Variants in DLG2 observed in about 807,000 individuals in gnomAD.
DLG2 encodes discs large MAGUK scaffold protein 2.
Under a neutral mutation model 132.5 loss-of-function variants are expected in DLG2, and 45 were observed. The observed-to-expected ratio is 0.34, with a 90% CI of 0.27 to 0.44. The LOEUF is 0.44. DLG2 is among the 20% of genes least tolerant of loss of function. DLG2 has a pLI of 1.00. For missense variants in DLG2, 1,045 were observed against 1,196.9 expected, an observed-to-expected ratio of 0.87 and a Z score of 1.87; for synonymous variants, 424 against 419.6, an observed-to-expected ratio of 1.01 and a Z score of -0.13.
chr11:85,547,268 G>T (rs1199773067), intron 3 of DLG2, among the ~76,000 whole-genome samples: 1 of 152,138 alleles, frequency 6.6e-6, no homozygotes, highest in Non-Finnish European at 1.5e-5. Context: ...AGTTTGGCTG[G>T]ATATGAAATT....
rs1029125570 is a variant in DLG2 at position 83,962,957 on chromosome 11, G to A, written c.1268C>T (p.Ser423Phe). ...CCTTCCTGGAGAGATGGGTGGCAGG[G>A]AGGTTTTATATTCTAAAGTGCCATT... is the stretch of plus-strand genomic sequence containing the variant. ...GNNGTLEYKT[S>F]LPPISPGRYS... The change falls in exon 14 of 28, where the codon TCC becomes TTC. Residue 423 changes from serine to phenylalanine, a missense_variant. By Grantham distance (155) the Ser-to-Phe change is radical. Transcript: ENST00000376104. 1.9e-6 allele frequency: 3 copies of A among 1,613,152 alleles called. No individual in the cohort carries two copies. The highest frequency in any genetic ancestry group is 1.1e-5 in the South Asian group (1 of 91,064).
At chr11:83,644,449 C>T (rs116066236) in intron 18 of DLG2, among the ~76,000 whole-genome samples, 3 of 152,224 alleles carry the variant, frequency 2.0e-5, no homozygotes, top group African/African-American at 4.8e-5. Context: ...CTCATAACTT[C>T]GTTCTCAACA....
chr11:84,614,472 A>G (rs1229482967), intron 6 of DLG2, among the ~76,000 whole-genome samples: 1 of 152,190 alleles, frequency 6.6e-6, no homozygotes, highest in Non-Finnish European at 1.5e-5. Flanking sequence ...ATAGGCAAAT[A>G]TTATAGTGTC....
intron 20 of DLG2, among the ~76,000 whole-genome samples, chr11:83,533,581 A>G (rs1286612536): frequency 6.6e-6 from 1 of 152,178 alleles, no homozygotes; most frequent in Non-Finnish European, 1.5e-5. Flanking sequence ...ATATCAATGT[A>G]TCTGAGATTG....
chr11:84,166,971 T>C (rs1430931386), intron 8 of DLG2: 2 of 533,302 alleles, frequency 3.8e-6, no homozygotes, highest in Non-Finnish European at 7.7e-6. Flanking sequence ...TCATATTTTA[T>C]GCTACTGATA....
At chr11:84,936,534 G>A (rs942082458) in intron 6 of DLG2, among the ~76,000 whole-genome samples, 1 of 151,740 alleles carries the variant, frequency 6.6e-6, no homozygotes, top group African/African-American at 2.4e-5. Context: ...TATTTGATAA[G>A]GAAGATATAT....
intron 3 of DLG2, among the ~76,000 whole-genome samples, chr11:85,484,156 C>T (rs2093367562): frequency 6.8e-6 from 1 of 146,998 alleles, no homozygotes; most frequent in South Asian, 2.1e-4. Flanking sequence ...CAGGTCCGCG[C>T]AGTCCGCCCG....
chr11:84,016,148 T>A (rs1254729892), intron 11 of DLG2, among the ~76,000 whole-genome samples: 2 of 152,200 alleles, frequency 1.3e-5, no homozygotes, highest in Non-Finnish European at 2.9e-5. Context: ...GTTGAGCTTT[T>A]TTTTCATGTT....
intron 7 of DLG2, among the ~76,000 whole-genome samples, chr11:84,364,296 A>T (rs1238098640): frequency 2.0e-5 from 3 of 151,984 alleles, no homozygotes; most frequent in Non-Finnish European, 4.4e-5. Flanking sequence ...TTCACTCATG[A>T]TTTGGCTCTC....
intron 6 of DLG2, among the ~76,000 whole-genome samples, chr11:85,074,247 T>C (rs116037572): frequency 1.7e-3 from 262 of 151,928 alleles, no homozygotes; most frequent in African/African-American, 6.0e-3. Flanking sequence ...CCTAAAATAA[T>C]TTTTTTAAGG....
At chr11:85,082,651 T>C (rs1242985716) in intron 6 of DLG2, among the ~76,000 whole-genome samples, 1 of 150,642 alleles carries the variant, frequency 6.6e-6, no homozygotes, top group East Asian at 1.9e-4. Context: ...AGGAAAAAAG[T>C]GGAAGAAAAG....
chr11:85,462,443 C>T (rs976263306), intron 3 of DLG2, among the ~76,000 whole-genome samples: 1 of 152,158 alleles, frequency 6.6e-6, no homozygotes, highest in African/African-American at 2.4e-5. Context: ...CAATGTGGCA[C>T]ACATACACCA....
At chr11:85,464,267 C>T (rs765717174) in intron 3 of DLG2, among the ~76,000 whole-genome samples, 9 of 152,196 alleles carry the variant, frequency 5.9e-5, no homozygotes, top group Non-Finnish European at 1.3e-4. Flanking sequence ...AATCAATCCA[C>T]TGAGACCACA....
intron 6 of DLG2, among the ~76,000 whole-genome samples, chr11:84,826,755 G>A (rs571705344): frequency 6.6e-6 from 1 of 151,750 alleles, no homozygotes; most frequent in South Asian, 2.1e-4. Context: ...TTTCTAACCA[G>A]GACAACCTCT....
At chr11:83,783,290 GTGAGTA>G (rs2094911942) in intron 18 of DLG2, among the ~76,000 whole-genome samples, 2 of 152,162 alleles carry the variant, frequency 1.3e-5, no homozygotes, top group African/African-American at 4.8e-5. Context: ...TTAAGCAGAA[GTGAGTA>G]AAATTGTGAT....
At chr11:85,377,809 G>A (rs1012414533) in intron 3 of DLG2, among the ~76,000 whole-genome samples, 146 of 123,624 alleles carry the variant, frequency 1.2e-3, no homozygotes, top group Admixed American at 2.7e-3. Context: ...ATATATGTGT[G>A]TGTGTGTGTG....
intron 11 of DLG2, among the ~76,000 whole-genome samples, chr11:84,013,550 C>T (rs187084347): frequency 6.6e-6 from 1 of 152,106 alleles, no homozygotes; most frequent in African/African-American, 2.4e-5. Context: ...TCTTTAATAG[C>T]CTACAGCAAT....
intron 3 of DLG2, among the ~76,000 whole-genome samples, chr11:85,359,302 C>A (rs551740788): frequency 6.6e-6 from 1 of 152,236 alleles, no homozygotes; most frequent in South Asian, 2.1e-4. Flanking sequence ...TAAAATTCCA[C>A]CAAGTATAAG....
rs111245141 is a variant in DLG2, at chr11:84,303,953, T to C, written c.520-52662A>G. Among the ~76,000 whole-genome samples the C allele has an allele frequency of 1.1e-3, 172 of 152,324 alleles. 1 individual carries two copies. The highest frequency in any genetic ancestry group is 3.8e-3 in the African/African-American group (157 of 41,564). On this transcript the variant is annotated intron_variant, in intron 7 of 27. Transcript: ENST00000376104. ...ATACATTCAGAAATCAAGAACACTT[T>C]ATTAACTTACTGTTACGTGCTAAGC...
Sources: gnomAD v4.1 joint callset for allele counts (sites outside exome capture counted in the v4.1 genomes callset) on GRCh38, gnomAD v4.1.1 for gene constraint, MANE v1.5 for transcripts, NCBI Gene and HGNC (gene_info 2026-07-23, HGNC 2026-07-21) for gene names.